Variants in CUX1 observed in about 807,000 individuals in gnomAD.
CUX1 encodes the protein protein CASP.
CUX1 carries 31 observed loss-of-function variants against 158.8 expected under a neutral mutation model. The observed-to-expected ratio is 0.20, with a 90% CI of 0.15 to 0.26. The LOEUF (loss-of-function observed/expected upper bound fraction) is 0.26, where lower values mean the gene tolerates loss of function less well. CUX1 is among the 10% of genes least tolerant of loss of function. The pLI, the probability that CUX1 is intolerant of heterozygous loss-of-function variation, is 1.00. For synonymous variants in CUX1, 879 were observed against 862.1 expected, an observed-to-expected ratio of 1.02 and a Z score of -0.34; for missense variants, 1,589 against 2,014.6, an observed-to-expected ratio of 0.79 and a Z score of 4.04.
chr7:101,910,920 G>T (rs182241957), intron 1 of CUX1, among the ~76,000 whole-genome samples: 15 of 152,336 alleles, frequency 9.8e-5, no homozygotes, highest in Admixed American at 9.1e-4. Context: ...TGGAGTTGGG[G>T]GCAGAGAGAA....
chr7:101,890,046 C>T (rs948353141), intron 1 of CUX1, among the ~76,000 whole-genome samples: 4 of 152,110 alleles, frequency 2.6e-5, no homozygotes, highest in Admixed American at 1.3e-4. Context: ...GGGGTGCCCC[C>T]GGGGATTTAG....
Position 102,257,315 on chromosome 7 carries a change from T to C in CUX1, c.*8273T>C. 3 of 985,026 alleles carry C rather than the reference T, an allele frequency of 3.0e-6. No homozygotes were observed. The highest frequency in any genetic ancestry group is 3.6e-6 in the Non-Finnish European group (3 of 829,782). The allele number at this position is 985,026 out of a possible 1,614,324, so 61.0% of individuals were successfully genotyped here. A position where few individuals can be genotyped will look rare whatever the true frequency, so the allele number is the denominator to read the frequency against. On this transcript the variant is annotated 3_prime_UTR_variant, in exon 24 of 24. Transcript: ENST00000292535. ...CCATCTCCCCAGAAGCCTTTTTTTT[T>C]TTCATTTTTCTCTAATTAGTCTATG...
In CUX1 at chr7:102,110,587, C is replaced by T. The variant is rs921804663; in HGVS notation, c.531-1111C>T. 3.3e-5 allele frequency among the ~76,000 whole-genome samples: 5 copies of T among 152,120 alleles called. No individual in the cohort carries two copies. In the South Asian group the frequency reaches 6.2e-4, roughly 19 times the overall value. ...GTTTATGTTACACTATAGTGTGTTA[C>T]GTATTAGTTCATATTATGCTATAGC... On this transcript the variant is annotated intron_variant, in intron 6 of 23. Coordinates refer to ENST00000292535, the MANE Select transcript of CUX1 (RefSeq NM_181552.4).
chr7:101,988,976 A>G (rs1271498649), intron 2 of CUX1, among the ~76,000 whole-genome samples: 5 of 151,958 alleles, frequency 3.3e-5, no homozygotes, highest in Non-Finnish European at 5.9e-5. Flanking sequence ...CCTGGGAAAC[A>G]GGGTGAGATC....
intron 2 of CUX1, among the ~76,000 whole-genome samples, chr7:102,015,276 G>A (rs1360532991): frequency 6.6e-6 from 1 of 152,156 alleles, no homozygotes; most frequent in African/African-American, 2.4e-5. Flanking sequence ...CACCCAGGCT[G>A]GAGTGCAGTG....
chr7:102,209,036 G>GGCTCTGT (rs1796248869), intron 20 of CUX1, among the ~76,000 whole-genome samples: 1 of 152,200 alleles, frequency 6.6e-6, no homozygotes. Flanking sequence ...GGGGGCGGAT[G>GGCTCTGT]GCTCTGTGCT....
intron 8 of CUX1, among the ~76,000 whole-genome samples, chr7:102,127,357 C>T (rs1019968516): frequency 1.3e-5 from 2 of 152,066 alleles, no homozygotes; most frequent in African/African-American, 4.8e-5. Flanking sequence ...CAGGTGTGCA[C>T]CCCACACCAG....
intron 1 of CUX1, among the ~76,000 whole-genome samples, chr7:101,868,784 A>C (rs1483140108): frequency 1.3e-5 from 2 of 152,154 alleles, no homozygotes; most frequent in East Asian, 3.9e-4. Flanking sequence ...CCAGGAGGGG[A>C]ACCCTCTGAC....
intron 4 of CUX1, among the ~76,000 whole-genome samples, chr7:102,078,973 C>A (rs1827073124): frequency 1.3e-5 from 2 of 152,168 alleles, no homozygotes; most frequent in Admixed American, 6.5e-5. Context: ...TTGAGAACTG[C>A]TTTTTAATGC....
chr7:101,935,427 G>A (rs185958752), intron 2 of CUX1, among the ~76,000 whole-genome samples: 21 of 152,278 alleles, frequency 1.4e-4, no homozygotes, highest in Non-Finnish European at 2.2e-4. Flanking sequence ...TCACACGGAC[G>A]TGAGTGAAAG....
intron 1 of CUX1, among the ~76,000 whole-genome samples, chr7:101,906,071 C>A (rs1023313043): frequency 2.6e-5 from 4 of 151,990 alleles, no homozygotes; most frequent in African/African-American, 9.7e-5. Flanking sequence ...AGTGATCCCC[C>A]CACCTCGGCC....
intron 2 of CUX1, among the ~76,000 whole-genome samples, chr7:101,991,166 A>G (rs926114495): frequency 2.0e-5 from 3 of 152,168 alleles, no homozygotes; most frequent in African/African-American, 7.2e-5. Flanking sequence ...CAGTACTTCT[A>G]GTTTCACTTC....
intron 1 of CUX1, among the ~76,000 whole-genome samples, chr7:101,880,822 T>C (rs554122464): frequency 1.3e-3 from 202 of 152,278 alleles, no homozygotes; most frequent in Non-Finnish European, 2.3e-3. Context: ...CCTTTAGGAA[T>C]TGGATGGAAG....
chr7:102,112,240 C>CTTTTTTTTTTT (rs201695519), intron 7 of CUX1, among the ~76,000 whole-genome samples: 22 of 131,418 alleles, frequency 1.7e-4, no homozygotes, highest in African/African-American at 6.0e-4. Context: ...CTTTCTCTCT[C>CTTTTTTTTTTT]TCTTTTTTTT....
chr7:101,976,575 C>T (rs1017154975), intron 2 of CUX1, among the ~76,000 whole-genome samples: 1 of 152,174 alleles, frequency 6.6e-6, no homozygotes, highest in African/African-American at 2.4e-5. Context: ...TTGACTGTTT[C>T]TCCCATCAGC....
intron 2 of CUX1, among the ~76,000 whole-genome samples, chr7:101,980,472 G>A (rs1338223881): frequency 1.3e-5 from 2 of 152,264 alleles, no homozygotes; most frequent in African/African-American, 2.4e-5. Flanking sequence ...TTGTGTCACT[G>A]CAGTCCAGCC....
chr7:101,890,458 G>C (rs1420413823), intron 1 of CUX1, among the ~76,000 whole-genome samples: 1 of 152,038 alleles, frequency 6.6e-6, no homozygotes, highest in African/African-American at 2.4e-5. Context: ...AGCTGGCTAG[G>C]AGAGCCCACC....
intron 1 of CUX1, among the ~76,000 whole-genome samples, chr7:101,893,059 A>C (rs983658164): frequency 6.6e-6 from 1 of 151,610 alleles, no homozygotes; most frequent in African/African-American, 2.4e-5. Flanking sequence ...ACATTTTATA[A>C]CTCACTAATA....
intron 1 of CUX1, among the ~76,000 whole-genome samples, chr7:101,820,037 A>G (rs888922533): frequency 2.6e-5 from 4 of 152,210 alleles, no homozygotes; most frequent in African/African-American, 7.2e-5. Flanking sequence ...TTTTTGTACA[A>G]TTAAGACAAA....
Sources: allele counts gnomAD v4.1 joint callset (sites outside exome capture counted in the v4.1 genomes callset), GRCh38; gene constraint gnomAD v4.1.1; transcripts MANE v1.5; gene names NCBI Gene and HGNC (gene_info 2026-07-23, HGNC 2026-07-21).